Variants in ZNF800 observed in about 807,000 individuals in gnomAD.
ZNF800 encodes zinc finger protein 800.
Under a neutral mutation model 59.5 loss-of-function variants are expected in ZNF800, and 13 were observed. The observed-to-expected ratio is 0.22, with a 90% CI of 0.14 to 0.35. The LOEUF is 0.35. ZNF800 is among the 10% of genes least tolerant of loss of function. The pLI, the probability that ZNF800 is intolerant of heterozygous loss-of-function variation, is 1.00. For missense variants in ZNF800, 621 were observed against 783.7 expected, an observed-to-expected ratio of 0.79 and a Z score of 2.48; for synonymous variants, 266 against 265.7, an observed-to-expected ratio of 1.00 and a Z score of -0.01.
intron 2 of ZNF800, among the ~76,000 whole-genome samples, chr7:127,389,277 A>G (rs1801235436): frequency 6.6e-6 from 1 of 152,226 alleles, no homozygotes; most frequent in Non-Finnish European, 1.5e-5. Context: ...CAAGTTCCTC[A>G]TATTATCTAG....
rs369534100 is a variant in ZNF800 at position 127,375,833 on chromosome 7, T to C, written c.302-799A>G. ...AATTTAGTACCAAATCTGGTATCTATACCAATCAGGAAGTGATTCATTATA... is the reference window on the plus strand; with the variant it reads ...AATTTAGTACCAAATCTGGTATCTACACCAATCAGGAAGTGATTCATTATA... On this transcript the variant is annotated intron_variant, in intron 4 of 5. Transcript: ENST00000265827. Among the ~76,000 whole-genome samples the C allele has an allele frequency of 7.8e-4, 118 of 152,084 alleles. 3 individuals carry two copies. The highest frequency in any genetic ancestry group is 2.7e-3 in the African/African-American group (114 of 41,560).
Position 127,391,529 on chromosome 7 carries a change from G to A in ZNF800, c.29C>T (p.Thr10Ile). The change falls in exon 2 of 6, where the codon ACT becomes ATT. Residue 10 changes from threonine (T) to isoleucine (I), a missense_variant. Transcript: ENST00000265827. MPLRDKYCQ[T>I]DHHHHGCCEP... is the part of the protein sequence containing the mutation. The stretch of plus-strand genomic sequence containing the variant: ...ACAGCATCCGTGATGATGGTGGTCA[G>A]TCTGACAGTATTTGTCCCTTAAAGG... 1 of 1,614,210 alleles carries A rather than the reference G, an allele frequency of 6.2e-7. No individual in the cohort carries two copies. The highest frequency in any genetic ancestry group is 8.5e-7 in the Non-Finnish European group (1 of 1,180,040).
chr7:127,348,515 G>A (rs1021915659), intron 1 of ZNF800, among the ~76,000 whole-genome samples: 1 of 151,518 alleles, frequency 6.6e-6, no homozygotes, highest in Non-Finnish European at 1.5e-5. Flanking sequence ...ATACTAAACT[G>A]CTATTGAAAT....
At chr7:127,368,472 T>C (rs952660100), downstream of ZNF800, among the ~76,000 whole-genome samples, 2 of 152,160 alleles carry the variant, frequency 1.3e-5, no homozygotes, top group South Asian at 2.1e-4. Context: ...CTGAAAGCCA[T>C]GGCTAAATCA....
intron 3 of ZNF800, among the ~76,000 whole-genome samples, chr7:127,380,948 T>C (rs1800960148): frequency 6.6e-6 from 1 of 152,232 alleles, no homozygotes; most frequent in Non-Finnish European, 1.5e-5. Context: ...TAAAAATTAC[T>C]TAAACTTCAT....
In ZNF800 at chr7:127,392,379, TGCC is replaced by T; in HGVS notation, c.-381_-379del. On this transcript the variant is annotated 5_prime_UTR_variant, in exon 1 of 6. Transcript: ENST00000265827. ...ACAGGAGGAACCGCCCGGCAGCAGC[TGCC>T]GCCGCCACCACCGAAGGAGCCGGAA... The T allele has an allele frequency of 5.2e-6, 2 of 381,126 alleles. No homozygotes were observed. The highest frequency in any genetic ancestry group is 9.3e-6 in the Non-Finnish European group (2 of 215,110). The allele number at this position is 381,126 out of a possible 1,614,324, so 23.6% of individuals were successfully genotyped here. A position where few individuals can be genotyped will look rare whatever the true frequency, so the allele number is the denominator to read the frequency against.
chr7:127,361,705 T>G (rs949440077), intron 1 of ZNF800: 1 of 152,148 alleles, frequency 6.6e-6, no homozygotes, highest in African/African-American at 2.4e-5. Context: ...GTTGCTCAAG[T>G]GTAGATGGCT....
downstream of ZNF800, among the ~76,000 whole-genome samples, chr7:127,345,297 C>A (rs1409856939): frequency 3.7e-5 from 5 of 133,446 alleles, no homozygotes; most frequent in East Asian, 2.0e-4. Flanking sequence ...GGAAATAGAC[C>A]CCCCCCCCAA....
At chr7:127,368,193 G>C (rs1224426925), downstream of ZNF800, among the ~76,000 whole-genome samples, 2 of 152,132 alleles carry the variant, frequency 1.3e-5, no homozygotes, top group African/African-American at 4.8e-5. Flanking sequence ...TTTAGGAGAA[G>C]AGAAATGAAT....
chr7:127,384,097 T>C (rs1247941411), intron 3 of ZNF800, among the ~76,000 whole-genome samples: 2 of 152,008 alleles, frequency 1.3e-5, no homozygotes, highest in African/African-American at 4.8e-5. Context: ...AATATTTGCC[T>C]TCTAAAATTA....
chr7:127,384,523 C>G (rs1801080749), intron 3 of ZNF800, among the ~76,000 whole-genome samples: 1 of 151,776 alleles, frequency 6.6e-6, no homozygotes, highest in Admixed American at 6.6e-5. Context: ...CGTGAGCCAC[C>G]GCGCCCAGCC....
chr7:127,381,407 A>G (rs1388276335), intron 3 of ZNF800, among the ~76,000 whole-genome samples: 1 of 151,264 alleles, frequency 6.6e-6, no homozygotes, highest in Non-Finnish European at 1.5e-5. Context: ...TGAAAGTTCT[A>G]TCCTAAAACT....
At chr7:127,380,138 T>C (rs1470997669) in intron 3 of ZNF800, among the ~76,000 whole-genome samples, 1 of 152,054 alleles carries the variant, frequency 6.6e-6, no homozygotes. Context: ...TTGTTGTTGT[T>C]TGTTAAAAAT....
intron 1 of ZNF800, among the ~76,000 whole-genome samples, chr7:127,352,745 T>TA (rs1800190497): frequency 6.6e-6 from 1 of 152,204 alleles, no homozygotes; most frequent in Admixed American, 6.5e-5. Context: ...GATACAGTCT[T>TA]CTAATACCTA....
At chr7:127,378,628 A>G (rs528056814) in intron 3 of ZNF800, among the ~76,000 whole-genome samples, 10 of 152,154 alleles carry the variant, frequency 6.6e-5, no homozygotes, top group Admixed American at 6.5e-4. Flanking sequence ...CTCAGATTCA[A>G]TATTTTGCAA....
downstream of ZNF800, among the ~76,000 whole-genome samples, chr7:127,369,451 A>G (rs1246648739): frequency 6.6e-6 from 1 of 152,108 alleles, no homozygotes; most frequent in Non-Finnish European, 1.5e-5. Flanking sequence ...CTTAAGCCTG[A>G]GCCCCTGAAG....
downstream of ZNF800, among the ~76,000 whole-genome samples, chr7:127,344,400 G>C (rs1800021789): frequency 6.6e-6 from 1 of 152,002 alleles, no homozygotes; most frequent in South Asian, 2.1e-4. Flanking sequence ...CACATGACAA[G>C]TTCCTGAATA....
At chr7:127,355,225 A>G (rs1231727567) in intron 1 of ZNF800, among the ~76,000 whole-genome samples, 1 of 152,102 alleles carries the variant, frequency 6.6e-6, no homozygotes, top group Non-Finnish European at 1.5e-5. Context: ...GAAGGCCAAG[A>G]GTAGAGCAAT....
At chr7:127,365,734 T>A (rs1403416338), downstream of ZNF800, among the ~76,000 whole-genome samples, 2 of 152,104 alleles carry the variant, frequency 1.3e-5, no homozygotes, top group Non-Finnish European at 2.9e-5. Context: ...AATAACGAAG[T>A]GCTCTAACTT....
Sources: allele counts gnomAD v4.1 joint callset (sites outside exome capture counted in the v4.1 genomes callset), GRCh38; gene constraint gnomAD v4.1.1; transcripts MANE v1.5; gene names NCBI Gene and HGNC (gene_info 2026-07-23, HGNC 2026-07-21).